The following ZNF487 variants were observed in gnomAD, a reference collection of about 807,000 sequenced individuals.
The protein encoded by ZNF487 is zinc finger protein 487.
ZNF487 carries 4 observed loss-of-function variants against 3.0 expected under a neutral mutation model. The ratio of observed to expected loss-of-function variants is 1.35; its 90% confidence interval spans 0.66 to 3.08. ZNF487 has a LOEUF of 3.08. Ranked by LOEUF, ZNF487 falls within the 30% of genes most tolerant of loss-of-function variation. The pLI, the probability that ZNF487 is intolerant of heterozygous loss-of-function variation, is 0.01. For synonymous variants in ZNF487, 55 were observed against 34.6 expected (o/e 1.59, Z -2.06); for missense variants, 146 against 98.7 (o/e 1.48, Z -2.03).
At chr10:43,436,933 G>A (rs1395390529), upstream of ZNF487, 2 of 467,088 alleles carry the variant, frequency 4.3e-6, no homozygotes, top group South Asian at 3.1e-5. Context: ...GAAGAAGGCT[G>A]GGGTAAGAGT....
chr10:43,498,075 T>TTTTATATATATATATATATATATATATA, the ZNF487 span, among the ~76,000 whole-genome samples: 1 of 35,020 alleles, frequency 2.9e-5, no homozygotes, highest in African/African-American at 1.6e-4. Flanking sequence ...ATTTGGTATT[T>TTTTATATATATATATATATATATATATA]TATATATATA....
the ZNF487 span, among the ~76,000 whole-genome samples, chr10:43,494,583 T>C: frequency 6.6e-6 from 1 of 151,756 alleles, no homozygotes. Context: ...CTTTATTGGC[T>C]CCCTGTTACC....
At chr10:43,476,401 G>T (rs1841102702) in intron 3 of ZNF487, among the ~76,000 whole-genome samples, 199 bp downstream of exon 3, 1 of 152,062 alleles carries the variant, frequency 6.6e-6, no homozygotes, top group African/African-American at 2.4e-5. Flanking sequence ...CAGCTAAATG[G>T]TCTTTGTTTT....
At position 43,473,014 on chromosome 10, in the gene ZNF487, C is replaced by T. The variant is rs185503637; in HGVS notation, c.-93-2707C>T. 1.9e-3 allele frequency among the ~76,000 whole-genome samples: 280 copies of T among 144,336 alleles called. 1 individual carries two copies. Among genetic ancestry groups the T allele is most frequent in the African/African-American group, 7.1e-3 (269 of 37,992 alleles). 94.7% of individuals were successfully genotyped at this position (144,336 alleles called of 152,430 possible). A position where few individuals can be genotyped will look rare whatever the true frequency, so the allele number is the denominator to read the frequency against. On this transcript the variant is annotated intron_variant, in intron 1 of 3. Coordinates refer to ENST00000437590, the MANE Select transcript of ZNF487 (RefSeq NM_001355444.3). ...TGAGCCATGTTTGTGCCACTGCACT[C>T]CAGTCTGTGTGACAAAGCGAGACTC... is the stretch of plus-strand genomic sequence containing the variant.
chr10:43,446,145 G>C (rs1421597158), intron 1 of ZNF487, among the ~76,000 whole-genome samples: 1 of 152,132 alleles, frequency 6.6e-6, no homozygotes, highest in Non-Finnish European at 1.5e-5. Context: ...TTTTCTATTC[G>C]ACAAAACCGC....
the ZNF487 span, among the ~76,000 whole-genome samples, chr10:43,498,093 ATATATATTTTTTTTTTTTTTCTTTT>A: frequency 1.1e-3 from 14 of 13,264 alleles, no homozygotes; most frequent in African/African-American, 2.5e-3. Context: ...ATATATATAT[ATATATATTTTTTTTTTTTTTCTTTT>A]TTTTTTTTTT....
chr10:43,507,653 A>G, the ZNF487 span, among the ~76,000 whole-genome samples: 111,593 of 152,188 alleles, frequency 0.73, 42,057 homozygotes, highest in East Asian at 0.93. Flanking sequence ...ATGGCTGCTT[A>G]CCAAGAAGCC....
chr10:43,440,056 T>TA (rs1564409770), intron 1 of ZNF487, among the ~76,000 whole-genome samples: 35 of 149,640 alleles, frequency 2.3e-4, no homozygotes, highest in African/African-American at 7.1e-4. Context: ...ATATATATAT[T>TA]TTTTTTTTTG....
intron 1 of ZNF487, among the ~76,000 whole-genome samples, chr10:43,441,599 C>T (rs1169766088): frequency 1.1e-5 from 1 of 94,878 alleles, no homozygotes; most frequent in Non-Finnish European, 2.1e-5. Context: ...TGCCATGTTG[C>T]CCCAGCTAGT....
chr10:43,502,234 G>A, the ZNF487 span, among the ~76,000 whole-genome samples: 1 of 152,172 alleles, frequency 6.6e-6, no homozygotes, highest in Non-Finnish European at 1.5e-5. Context: ...CTTTTGTAGG[G>A]ACATGGATGA....
chr10:43,518,885 G>A, the ZNF487 span, among the ~76,000 whole-genome samples: 2 of 152,040 alleles, frequency 1.3e-5, no homozygotes. Flanking sequence ...GACTCCTACA[G>A]TATTTTACCT....
At chr10:43,516,757 C>G in the ZNF487 span, among the ~76,000 whole-genome samples, 1 of 152,184 alleles carries the variant, frequency 6.6e-6, no homozygotes, top group Admixed American at 6.5e-5. Context: ...AAAGGTGTGT[C>G]TGCCTTTCCC....
chr10:43,496,924 T>C, the ZNF487 span, among the ~76,000 whole-genome samples: 1 of 152,192 alleles, frequency 6.6e-6, no homozygotes, highest in South Asian at 2.1e-4. Context: ...TTTTATTTTT[T>C]AGAGGCACCA....
chr10:43,480,081 CTTCTTTCTTTTCTTTTCTTTTCTT>C (rs1384179254), intron 3 of ZNF487, among the ~76,000 whole-genome samples: 5 of 124,652 alleles, frequency 4.0e-5, no homozygotes, highest in African/African-American at 1.6e-4. Context: ...TCCTTCCTTC[CTTCTTTCTTTTCTTTTCTTTTCTT>C]TTCTTTCTTT....
At chr10:43,471,979 G>A (rs1370420521) in intron 1 of ZNF487, among the ~76,000 whole-genome samples, 3 of 152,188 alleles carry the variant, frequency 2.0e-5, no homozygotes, top group African/African-American at 7.2e-5. Context: ...CTGGTCCAAG[G>A]ATTTAACTTG....
rs118170380 is a variant in ZNF487, at chr10:43,439,913, G to A, written c.-94+2651G>A. Among the ~76,000 whole-genome samples, 208 of 152,132 alleles carry A rather than the reference G, an allele frequency of 1.4e-3. 1 individual carries two copies. Among genetic ancestry groups the A allele is most frequent in the Middle Eastern group, 3.4e-3 (1 of 294 alleles). ...AGGCTGCGGTAAGGAGGAATGGGAA[G>A]TTGTTTAATGGGTACAGAGTTTCAG... is the stretch of plus-strand genomic sequence containing the variant. On this transcript the variant is annotated intron_variant, in intron 1 of 3. Coordinates refer to ENST00000437590, the MANE Select transcript of ZNF487 (RefSeq NM_001355444.3).
intron 1 of ZNF487, among the ~76,000 whole-genome samples, chr10:43,450,760 T>C (rs1004574045): frequency 5.9e-5 from 9 of 152,130 alleles, no homozygotes; most frequent in African/African-American, 2.2e-4. Context: ...AAATTTAGCA[T>C]CTAAATTTAA....
chr10:43,514,439 T>C, the ZNF487 span, among the ~76,000 whole-genome samples: 1 of 152,194 alleles, frequency 6.6e-6, no homozygotes, highest in African/African-American at 2.4e-5. Context: ...CTGTGCTGGC[T>C]GATTCTCTGT....
chr10:43,447,756 C>T (rs990744235), intron 1 of ZNF487, among the ~76,000 whole-genome samples: 1 of 152,162 alleles, frequency 6.6e-6, no homozygotes, highest in African/African-American at 2.4e-5. Context: ...GCTCTTTCTT[C>T]TCTGGTGCTG....
Sources: gnomAD v4.1 joint callset for allele counts (sites outside exome capture counted in the v4.1 genomes callset) on GRCh38, gnomAD v4.1.1 for gene constraint, MANE v1.5 for transcripts, NCBI Gene and HGNC (gene_info 2026-07-23, HGNC 2026-07-21) for gene names.